Variants in ROBO1 observed in about 807,000 individuals in gnomAD.
ROBO1 encodes roundabout homolog 1.
A neutral mutation model predicts 195.9 loss-of-function variants in ROBO1; 149 were observed. The ratio of observed to expected loss-of-function variants is 0.76; its 90% confidence interval spans 0.67 to 0.87. The LOEUF is 0.87. Among genes scored for constraint, ROBO1 ranks in the 40% least tolerant of loss-of-function variants. The pLI is 0.00. For missense variants in ROBO1, 1,933 were observed against 2,068.3 expected (o/e 0.93, Z 1.27); for synonymous variants, 816 against 733.2 (o/e 1.11, Z -1.82).
intron 2 of ROBO1, among the ~76,000 whole-genome samples, chr3:79,283,270 T>G (rs1359107738): frequency 6.6e-6 from 1 of 152,182 alleles, no homozygotes; most frequent in Non-Finnish European, 1.5e-5. Flanking sequence ...TATGGGGTAC[T>G]ATGCTCACTA....
chr3:79,491,823 A>C (rs1939472416), intron 2 of ROBO1, among the ~76,000 whole-genome samples: 1 of 151,088 alleles, frequency 6.6e-6, no homozygotes, highest in Non-Finnish European at 1.5e-5. Flanking sequence ...ATGAAATCTG[A>C]GTGGACCAAT....
intron 2 of ROBO1, among the ~76,000 whole-genome samples, chr3:79,158,305 A>T (rs2080893777): frequency 6.6e-6 from 1 of 150,954 alleles, no homozygotes; most frequent in Non-Finnish European, 1.5e-5. Flanking sequence ...TATATTAATG[A>T]TAAAATATAT....
intron 2 of ROBO1, among the ~76,000 whole-genome samples, chr3:79,189,062 C>T (rs1331978027): frequency 6.6e-6 from 1 of 151,690 alleles, no homozygotes; most frequent in African/African-American, 2.4e-5. Flanking sequence ...GCCTCAAGAA[C>T]TAAACACATA....
intron 1 of ROBO1, among the ~76,000 whole-genome samples, chr3:79,631,687 A>C: frequency 6.6e-6 from 1 of 152,102 alleles, no homozygotes; most frequent in East Asian, 1.9e-4. Context: ...TAATCAATAG[A>C]GTAAGGAGAG....
intron 2 of ROBO1, among the ~76,000 whole-genome samples, chr3:79,538,221 G>A (rs970143589): frequency 1.3e-5 from 2 of 152,084 alleles, no homozygotes; most frequent in Non-Finnish European, 2.9e-5. Flanking sequence ...TGTGTCTGAA[G>A]AGTTAATACA....
intron 2 of ROBO1, among the ~76,000 whole-genome samples, chr3:79,166,703 C>T (rs1266714962): frequency 6.6e-6 from 1 of 151,776 alleles, no homozygotes; most frequent in Admixed American, 6.6e-5. Flanking sequence ...CCAGCTGGGT[C>T]TATAGGCGCC....
intron 26 of ROBO1, among the ~76,000 whole-genome samples, chr3:78,623,680 C>T (rs1704584300): frequency 6.6e-6 from 1 of 152,154 alleles, no homozygotes; most frequent in Non-Finnish European, 1.5e-5. Flanking sequence ...AACAAGACCA[C>T]TTAGCAGAAC....
At chr3:79,714,541 C>A (rs1007414711) in intron 1 of ROBO1, among the ~76,000 whole-genome samples, 18 of 151,980 alleles carry the variant, frequency 1.2e-4, no homozygotes, top group African/African-American at 4.1e-4. Context: ...TATAAAGACA[C>A]ATGCACATGT....
At chr3:79,031,599 C>G (rs1300140724) in intron 3 of ROBO1, among the ~76,000 whole-genome samples, 1 of 152,176 alleles carries the variant, frequency 6.6e-6, no homozygotes, top group Admixed American at 6.5e-5. Flanking sequence ...TCGCTAGCAC[C>G]TATTCTTTTT....
chr3:79,705,748 A>T (rs1947750802), intron 1 of ROBO1, among the ~76,000 whole-genome samples: 1 of 152,148 alleles, frequency 6.6e-6, no homozygotes. Context: ...ATTACACTGA[A>T]TCTATAGAAC....
At chr3:79,611,697 T>G (rs544234218) in intron 1 of ROBO1, among the ~76,000 whole-genome samples, 1 of 152,170 alleles carries the variant, frequency 6.6e-6, no homozygotes, top group South Asian at 2.1e-4. Flanking sequence ...TGAGAACACA[T>G]GGACACAGGG....
chr3:79,377,891 T>G (rs777363164), intron 2 of ROBO1, among the ~76,000 whole-genome samples: 6 of 152,124 alleles, frequency 3.9e-5, no homozygotes, highest in African/African-American at 7.2e-5. Context: ...TAATCCAAAT[T>G]GTACACAAAG....
At chr3:79,594,597 C>T (rs1944105630) in intron 1 of ROBO1, among the ~76,000 whole-genome samples, 1 of 151,840 alleles carries the variant, frequency 6.6e-6, no homozygotes, top group Admixed American at 6.6e-5. Context: ...CAAATTGTTC[C>T]ACCATGAATC....
chr3:79,181,034 G>A (rs905137937), intron 2 of ROBO1, among the ~76,000 whole-genome samples: 2 of 152,164 alleles, frequency 1.3e-5, no homozygotes, highest in Non-Finnish European at 2.9e-5. Flanking sequence ...TGAAAGTGCT[G>A]TATTTCCTCT....
At chr3:79,241,590 T>C (rs2082518375) in intron 2 of ROBO1, among the ~76,000 whole-genome samples, 1 of 151,910 alleles carries the variant, frequency 6.6e-6, no homozygotes, top group Admixed American at 6.6e-5. Flanking sequence ...TATTAAATTT[T>C]GATATATGTT....
chr3:79,040,104 C>A (rs576975804), intron 3 of ROBO1, among the ~76,000 whole-genome samples: 1 of 152,196 alleles, frequency 6.6e-6, no homozygotes, highest in African/African-American at 2.4e-5. Context: ...TCTTTCTGAT[C>A]TAGGCTCTCA....
chr3:79,466,706 T>C (rs1451326369), intron 2 of ROBO1, among the ~76,000 whole-genome samples: 2 of 152,182 alleles, frequency 1.3e-5, no homozygotes, highest in African/African-American at 4.8e-5. Context: ...TGAGTGACTG[T>C]ATGCTATCTT....
intron 8 of ROBO1, among the ~76,000 whole-genome samples, chr3:78,708,014 C>A (rs569059827): frequency 1.3e-5 from 2 of 152,068 alleles, no homozygotes; most frequent in Non-Finnish European, 1.5e-5. Context: ...TGGGACACAG[C>A]GATGGGAACA....
intron 5 of ROBO1, among the ~76,000 whole-genome samples, chr3:78,739,606 T>C (rs1206217682): frequency 2.0e-5 from 3 of 152,160 alleles, no homozygotes; most frequent in Non-Finnish European, 4.4e-5. Context: ...CTTCTAGTCT[T>C]CAGAATAAAT....
Sources: gnomAD v4.1 joint callset for allele counts (sites outside exome capture counted in the v4.1 genomes callset) on GRCh38, gnomAD v4.1.1 for gene constraint, MANE v1.5 for transcripts, NCBI Gene and HGNC (gene_info 2026-07-23, HGNC 2026-07-21) for gene names.